The following ANO1 variants were observed in gnomAD, a reference collection of about 807,000 sequenced individuals.
ANO1 encodes anoctamin 1.
ANO1 carries 59 observed loss-of-function variants against 124.0 expected under a neutral mutation model. That is an observed-to-expected ratio of 0.48 (90% CI 0.39 to 0.59). The LOEUF is 0.59. ANO1 is among the 20% of genes least tolerant of loss of function. The pLI is 0.00. For synonymous variants in ANO1, 529 were observed against 532.0 expected (o/e 0.99, Z 0.08); for missense variants, 1,059 against 1,328.0 (o/e 0.80, Z 3.15).
chr11:70,182,607 T>G lies in ANO1; in HGVS notation c.2509T>G (p.Ser837Ala). 1 of 1,613,688 alleles carries G rather than the reference T, an allele frequency of 6.2e-7. No individual in the cohort carries two copies. The highest frequency in any genetic ancestry group is 8.5e-7 in the Non-Finnish European group (1 of 1,179,742). The change falls in exon 24 of 26, where the codon TCC becomes GCC. Residue 837 changes from serine to alanine, a missense_variant. By Grantham distance (99) the Ser-to-Ala change is moderately conservative. This residue lies in a region of ANO1 where 809 missense variants were observed against 1,094.9 expected (regional missense o/e 0.74). Transcript: ENST00000355303. Reference sequence around the variant, plus strand: ...CGGCTTCGTCAACCACACCCTCTCCTCCTTCAACGTCAGTGACTTCCAGAA... The same window carrying G: ...CGGCTTCGTCAACCACACCCTCTCCGCCTTCAACGTCAGTGACTTCCAGAA... Reference protein sequence around the residue: ...MHGFVNHTLSSFNVSDFQNGT... With the variant: ...MHGFVNHTLSAFNVSDFQNGT...
At chr11:70,070,457 C>A (rs543401733) in intron 1 of ANO1, among the ~76,000 whole-genome samples, 3 of 152,076 alleles carry the variant, frequency 2.0e-5, no homozygotes, top group Non-Finnish European at 4.4e-5. Context: ...CCAAGGTGGG[C>A]GGGTCACCTG....
the ANO1 span, among the ~76,000 whole-genome samples, chr11:69,970,756 G>A: frequency 1.3e-5 from 2 of 152,202 alleles, no homozygotes; most frequent in Non-Finnish European, 2.9e-5. Flanking sequence ...CAAGTCAAGA[G>A]GTGGGCATTC....
At chr11:70,057,354 G>A (rs2135098313) in intron 1 of ANO1, among the ~76,000 whole-genome samples, 2 of 152,182 alleles carry the variant, frequency 1.3e-5, no homozygotes, top group South Asian at 4.2e-4. Context: ...ATGGAAAGCA[G>A]GTCTTTTTCT....
At chr11:70,163,215 T>A in intron 18 of ANO1, 68 bp from the exon 19 acceptor site, 1 of 1,550,264 alleles carries the variant, frequency 6.5e-7, no homozygotes, top group African/African-American at 1.4e-5. Flanking sequence ...CAGTCCCCAC[T>A]TGGGGGTCTC....
At chr11:70,037,632 G>A (rs896784781) in intron 1 of ANO1, among the ~76,000 whole-genome samples, 1 of 152,136 alleles carries the variant, frequency 6.6e-6, no homozygotes, top group Non-Finnish European at 1.5e-5. Flanking sequence ...GTCCCTGGGA[G>A]AGGCGCTCCC....
chr11:70,119,840 A>C (rs1164644239), intron 8 of ANO1, among the ~76,000 whole-genome samples: 1 of 149,978 alleles, frequency 6.7e-6, no homozygotes, highest in Non-Finnish European at 1.5e-5. Context: ...TTAATGATGG[A>C]TGATGGATAG....
At chr11:70,079,173 G>A (rs947392723) in intron 1 of ANO1, among the ~76,000 whole-genome samples, 2 of 152,110 alleles carry the variant, frequency 1.3e-5, no homozygotes, top group African/African-American at 4.8e-5. Flanking sequence ...GCCACTCCAC[G>A]ATGATGGTAA....
chr11:70,108,221 C>T, intron 5 of ANO1, 132 bp from the exon 6 acceptor site: 1 of 791,384 alleles, frequency 1.3e-6, no homozygotes, highest in Non-Finnish European at 2.0e-6. Context: ...CATTGTCTTT[C>T]CTTGGAAGAT....
intron 2 of ANO1, among the ~76,000 whole-genome samples, chr11:70,095,576 G>T (rs1324190978): frequency 6.6e-6 from 1 of 152,248 alleles, no homozygotes; most frequent in Non-Finnish European, 1.5e-5. Context: ...TCTGGCTATA[G>T]TTCTGAGGTC....
intron 8 of ANO1, among the ~76,000 whole-genome samples, chr11:70,120,792 G>A (rs549407570): frequency 5.9e-5 from 9 of 152,254 alleles, no homozygotes; most frequent in South Asian, 4.2e-4. Context: ...CAAGAGAGAC[G>A]CCTGAGGGTT....
intron 1 of ANO1, among the ~76,000 whole-genome samples, chr11:69,990,643 G>A (rs1856136111): frequency 6.6e-6 from 1 of 152,174 alleles, no homozygotes; most frequent in African/African-American, 2.4e-5. Flanking sequence ...CACATCCTTA[G>A]CAGCACTTGA....
At chr11:70,172,708 A>G (rs2048523941) in intron 22 of ANO1, among the ~76,000 whole-genome samples, 1 of 152,080 alleles carries the variant, frequency 6.6e-6, no homozygotes, top group Non-Finnish European at 1.5e-5. Context: ...TGTCTCTACT[A>G]AAAATACAAA....
the ANO1 span, among the ~76,000 whole-genome samples, chr11:69,972,030 G>C: frequency 6.6e-6 from 1 of 151,348 alleles, no homozygotes; most frequent in Non-Finnish European, 1.5e-5. Context: ...AGACCAGCCT[G>C]CCCAATATGG....
upstream of ANO1, among the ~76,000 whole-genome samples, chr11:70,074,547 A>C (rs1555009763): frequency 6.6e-6 from 1 of 152,154 alleles, no homozygotes; most frequent in African/African-American, 2.4e-5. Flanking sequence ...TAAGCCAAGT[A>C]CATCACCTCT....
intron 8 of ANO1, among the ~76,000 whole-genome samples, chr11:70,123,521 T>C (rs1383499369): frequency 6.6e-6 from 1 of 152,162 alleles, no homozygotes. Context: ...CCCCCAGCCA[T>C]GACCTTGACT....
rs1164012862 is a variant in ANO1 at position 70,078,700 on chromosome 11, C to A, written c.94C>A (p.Pro32Thr). 1 of 1,485,296 alleles carries A rather than the reference C, an allele frequency of 6.7e-7. No individual in the cohort carries two copies. Among genetic ancestry groups the A allele is most frequent in the Admixed American group, 2.0e-5 (1 of 51,056 alleles). The allele number at this position is 1,485,296 out of a possible 1,614,324, so 92.0% of individuals were successfully genotyped here. Residue 32 changes from proline to threonine, a missense_variant, in exon 1 of 26, where the codon CCG (proline) becomes ACG (threonine). Coordinates refer to ENST00000355303, the MANE Select transcript of ANO1 (RefSeq NM_018043.7). Reference sequence around the variant, plus strand: ...CGCCATCGAGGACATCGGCTACCTGCCGTCCGAGGGCACGGTGAGTGCGGG... The same window carrying A: ...CGCCATCGAGGACATCGGCTACCTGACGTCCGAGGGCACGGTGAGTGCGGG... ...ICAIEDIGYL[P>T]SEGTLLNSLS...
upstream of ANO1, among the ~76,000 whole-genome samples, chr11:70,077,480 G>A (rs982136458): frequency 6.6e-6 from 1 of 152,192 alleles, no homozygotes; most frequent in African/African-American, 2.4e-5. Context: ...GTCCCCTGGG[G>A]ACCTGCCTTA....
chr11:70,025,461 A>T (rs782251619), intron 1 of ANO1, among the ~76,000 whole-genome samples: 47 of 151,648 alleles, frequency 3.1e-4, no homozygotes, highest in Non-Finnish European at 5.5e-4. Context: ...GATGATGATG[A>T]TGATGGTGAT....
the ANO1 span, among the ~76,000 whole-genome samples, chr11:69,977,003 G>A: frequency 5.9e-5 from 9 of 152,350 alleles, no homozygotes; most frequent in East Asian, 3.9e-4. Context: ...TGAGGGTCTC[G>A]CAGTGAGTGA....
Sources: allele counts gnomAD v4.1 joint callset (sites outside exome capture counted in the v4.1 genomes callset), GRCh38; gene constraint gnomAD v4.1.1; regional missense constraint gnomAD v4.1.1; transcripts MANE v1.5; gene names NCBI Gene and HGNC (gene_info 2026-07-23, HGNC 2026-07-21).